Variants in OR5AN1 observed in about 807,000 individuals in gnomAD.
OR5AN1 encodes olfactory receptor 5AN1.
For synonymous variants in OR5AN1, 167 were observed against 131.8 expected (o/e 1.27, Z -1.83); for missense variants, 476 against 368.9 (o/e 1.29, Z -2.38).
rs1857528745 is a variant in OR5AN1 at position 59,366,038 on chromosome 11, C to T, written c.*644C>T. The T allele has an allele frequency of 6.6e-6, 1 of 152,154 alleles. No homozygotes were observed. 9.4% of individuals were successfully genotyped at this position (152,154 alleles called of 1,614,324 possible). On this transcript the variant is annotated 3_prime_UTR_variant, in exon 2 of 2. Transcript: ENST00000641998. Reference sequence around the variant, plus strand: ...TTGGCAATTTCCTTGCCTACACCAGCTGTAGCATAAGAAAGAAGGAGGTGA... The same window carrying T: ...TTGGCAATTTCCTTGCCTACACCAGTTGTAGCATAAGAAAGAAGGAGGTGA...
Position 59,368,624 on chromosome 11 carries a change from T to C in OR5AN1, c.*3230T>C, listed in dbSNP as rs375563756. On this transcript the variant is annotated 3_prime_UTR_variant, in exon 2 of 2. Transcript: ENST00000641998. ...ACCCCTGGCTTGGGCCCACAACACA[T>C]ACCCTCTATCTTGGGCTGGCTGCAC... is the stretch of plus-strand genomic sequence containing the variant. 35 of 152,498 alleles carry C rather than the reference T, an allele frequency of 2.3e-4. No individual in the cohort carries two copies. The highest frequency in any genetic ancestry group is 8.2e-4 in the African/African-American group (34 of 41,572). 9.4% of individuals were successfully genotyped at this position (152,498 alleles called of 1,614,324 possible).
rs1857539315 is a variant in OR5AN1, at chr11:59,366,778, A to T, written c.*1384A>T. On this transcript the variant is annotated 3_prime_UTR_variant, in exon 2 of 2. Coordinates refer to ENST00000641998, the MANE Select transcript of OR5AN1 (RefSeq NM_001004729.2). ...ATACGTGAATCATGTATTATTATTT[A>T]TTAAGTGCTTTCTATGTTCAAAGAA... The T allele has an allele frequency of 6.6e-6, 1 of 152,226 alleles. No homozygotes were observed. The highest frequency in any genetic ancestry group is 1.5e-5 in the Non-Finnish European group (1 of 68,048). The allele number at this position is 152,226 out of a possible 1,614,324, so 9.4% of individuals were successfully genotyped here.
chr11:59,368,431 A>G lies in OR5AN1; in HGVS notation c.*3037A>G, dbSNP rs1857559399. 1 of 152,386 alleles carries G rather than the reference A, an allele frequency of 6.6e-6. No homozygotes were observed. Among genetic ancestry groups the G allele is most frequent in the African/African-American group, 2.4e-5 (1 of 41,476 alleles). 9.4% of individuals were successfully genotyped at this position (152,386 alleles called of 1,614,324 possible). A position where few individuals can be genotyped will look rare whatever the true frequency, so the allele number is the denominator to read the frequency against. On this transcript the variant is annotated 3_prime_UTR_variant, in exon 2 of 2. Coordinates refer to ENST00000641998, the MANE Select transcript of OR5AN1 (RefSeq NM_001004729.2). ...GAGGTCAACAGAAAGTTTCTATGCC[A>G]CTGCCTCTGCAGTGGAACTGCCCTT...
At position 59,367,048 on chromosome 11, in the gene OR5AN1, C is replaced by T. The variant is rs1857542869; in HGVS notation, c.*1654C>T. On this transcript the variant is annotated 3_prime_UTR_variant, in exon 2 of 2. Transcript: ENST00000641998. ...CAATATTTATGAGATGTAGCCAAAG[C>T]TAAAATCAGAAGTAACAATCTTTTG... The T allele has an allele frequency of 6.6e-6, 1 of 152,052 alleles. No homozygotes were observed. The highest frequency in any genetic ancestry group is 1.5e-5 in the Non-Finnish European group (1 of 68,006). 9.4% of individuals were successfully genotyped at this position (152,052 alleles called of 1,614,324 possible). A position where few individuals can be genotyped will look rare whatever the true frequency, so the allele number is the denominator to read the frequency against.
In OR5AN1 at chr11:59,366,477, C is replaced by T. The variant is rs1438974209; in HGVS notation, c.*1083C>T. The T allele has an allele frequency of 6.6e-6, 1 of 152,164 alleles. No homozygotes were observed. Among genetic ancestry groups the T allele is most frequent in the East Asian group, 1.9e-4 (1 of 5,202 alleles). 9.4% of individuals were successfully genotyped at this position (152,164 alleles called of 1,614,324 possible). A position where few individuals can be genotyped will look rare whatever the true frequency, so the allele number is the denominator to read the frequency against. The stretch of plus-strand genomic sequence containing the variant: ...GATAATAAATGAATGTTGCAGTCAG[C>T]ACTGGATTTTGCAGTTTGTTATACA... On this transcript the variant is annotated 3_prime_UTR_variant, in exon 2 of 2. Coordinates refer to ENST00000641998, the MANE Select transcript of OR5AN1 (RefSeq NM_001004729.2).
At chr11:59,363,904 A>G (rs1470462233) in intron 1 of OR5AN1, among the ~76,000 whole-genome samples, 1 of 152,144 alleles carries the variant, frequency 6.6e-6, no homozygotes, top group Admixed American at 6.6e-5. Context: ...CTGGGATTAC[A>G]GGTCTGTGCA....
Position 59,364,808 on chromosome 11 carries a change from C to T in OR5AN1, c.350C>T (p.Thr117Ile). 3.1e-6 allele frequency: 5 copies of T among 1,614,030 alleles called. No individual in the cohort carries two copies. The highest frequency in any genetic ancestry group is 4.2e-6 in the Non-Finnish European group (5 of 1,179,910). Residue 117 changes from threonine to isoleucine, a missense_variant, in exon 2 of 2, where the codon ACA (threonine) becomes ATA (isoleucine). Transcript: ENST00000641998. ...GGACTGAGTGAGTCTTGTCTCATGA[C>T]AGCCATGGCTTATGATCGTTATGCT... Reference protein sequence around the residue: ...TMGLSESCLMTAMAYDRYAAI... With the variant: ...TMGLSESCLMIAMAYDRYAAI...
chr11:59,371,484 C>T lies in OR5AN1; in HGVS notation c.*6090C>T, dbSNP rs1857593711. 1 of 152,206 alleles carries T rather than the reference C, an allele frequency of 6.6e-6. No individual in the cohort carries two copies. The highest frequency in any genetic ancestry group is 1.5e-5 in the Non-Finnish European group (1 of 68,028). The allele number at this position is 152,206 out of a possible 1,614,324, so 9.4% of individuals were successfully genotyped here. A position where few individuals can be genotyped will look rare whatever the true frequency, so the allele number is the denominator to read the frequency against. On this transcript the variant is annotated 3_prime_UTR_variant, in exon 2 of 2. Transcript: ENST00000641998. The stretch of plus-strand genomic sequence containing the variant: ...AATTTGTGCAGAAGGAGTTACGGTA[C>T]AGCTAAGGCTAACCTGCATCTATGC...
rs1857454308 is a variant in OR5AN1, at chr11:59,360,777, A to G, written c.-14+1505A>G. On this transcript the variant is annotated intron_variant, in intron 1 of 1. Coordinates refer to ENST00000641998, the MANE Select transcript of OR5AN1 (RefSeq NM_001004729.2). Reference sequence around the variant, plus strand: ...TTCCAGCTCCATCCATGTCCCTGCAAAGGACATGATCTCATTCCTTTTTAT... The same window carrying G: ...TTCCAGCTCCATCCATGTCCCTGCAGAGGACATGATCTCATTCCTTTTTAT... 5.3e-5 allele frequency among the ~76,000 whole-genome samples: 8 copies of G among 152,234 alleles called. No individual in the cohort carries two copies. In the South Asian group the frequency reaches 1.7e-3, roughly 32 times the overall value.
At chr11:59,361,976 G>T (rs868528656) in intron 1 of OR5AN1, among the ~76,000 whole-genome samples, 1 of 151,126 alleles carries the variant, frequency 6.6e-6, no homozygotes, top group Admixed American at 6.6e-5. Context: ...TAAGGAGTGT[G>T]TGTGTGTTTG....
At chr11:59,360,528 C>A (rs1320239619) in intron 1 of OR5AN1, among the ~76,000 whole-genome samples, 1 of 152,050 alleles carries the variant, frequency 6.6e-6, no homozygotes, top group Admixed American at 6.6e-5. Flanking sequence ...AACCCATCAC[C>A]TAAGTATTAA....
chr11:59,364,917 C>G lies in OR5AN1; in HGVS notation c.459C>G (p.Gly153=). 3.1e-6 allele frequency: 5 copies of G among 1,614,116 alleles called. No individual in the cohort carries two copies. The highest frequency in any genetic ancestry group is 4.2e-6 in the Non-Finnish European group (5 of 1,179,974). ...VWMVLGAYMT[G]LTASLFQIGA... The stretch of plus-strand genomic sequence containing the variant: ...TGGTACTGGGAGCCTACATGACTGG[C>G]CTCACTGCTTCTTTATTCCAAATTG... The change falls in exon 2 of 2, where the codon GGC becomes GGG. Residue 153 remains glycine, a synonymous_variant. Coordinates refer to ENST00000641998, the MANE Select transcript of OR5AN1 (RefSeq NM_001004729.2).
rs1857498035 is a variant in OR5AN1 at position 59,364,369 on chromosome 11, G to T, written c.-13-77G>T. On this transcript the variant is annotated intron_variant, in intron 1 of 1. Transcript: ENST00000641998. ...TCCAGTGCTTGTTGGAAGAAAAGAT[G>T]TACACATATGAAGACGGTAATGTTA... The T allele has an allele frequency of 1.4e-5, 12 of 836,874 alleles. No individual in the cohort carries two copies. In the East Asian group the frequency reaches 3.1e-4, roughly 21 times the overall value. The allele number at this position is 836,874 out of a possible 1,614,324, so 51.8% of individuals were successfully genotyped here.
rs1342325414 is a variant in OR5AN1, at chr11:59,365,589, G to A, written c.*195G>A. The A allele has an allele frequency of 6.5e-6, 3 of 461,474 alleles. No individual in the cohort carries two copies. The highest frequency in any genetic ancestry group is 1.1e-5 in the Non-Finnish European group (3 of 263,800). The allele number at this position is 461,474 out of a possible 1,614,324, so 28.6% of individuals were successfully genotyped here. ...ATGCCACAGACATCAGGATCTTTAGGTCCTGGAGGTTCATTATTTTTATCC... is the reference window on the plus strand; with the variant it reads ...ATGCCACAGACATCAGGATCTTTAGATCCTGGAGGTTCATTATTTTTATCC... On this transcript the variant is annotated 3_prime_UTR_variant, in exon 2 of 2. Coordinates refer to ENST00000641998, the MANE Select transcript of OR5AN1 (RefSeq NM_001004729.2).
rs533707372 is a variant in OR5AN1 at position 59,370,938 on chromosome 11, A to G, written c.*5544A>G. ...GCTTTACATCATTTGGATTCACAAG[A>G]AGGACCATGAGATAACCTCTGTGAT... On this transcript the variant is annotated 3_prime_UTR_variant, in exon 2 of 2. Transcript: ENST00000641998. 34 of 152,334 alleles carry G rather than the reference A, an allele frequency of 2.2e-4. No individual in the cohort carries two copies. Among genetic ancestry groups the G allele is most frequent in the African/African-American group, 8.2e-4 (34 of 41,586 alleles). The allele number at this position is 152,334 out of a possible 1,614,324, so 9.4% of individuals were successfully genotyped here.
chr11:59,361,289 T>C (rs1857459257), intron 1 of OR5AN1, among the ~76,000 whole-genome samples: 1 of 152,174 alleles, frequency 6.6e-6, no homozygotes, highest in Admixed American at 6.5e-5. Context: ...CTTAGTGTTT[T>C]TGTTTTTTGT....
chr11:59,361,764 T>C (rs1183088042), intron 1 of OR5AN1, among the ~76,000 whole-genome samples: 1 of 152,144 alleles, frequency 6.6e-6, no homozygotes, highest in Non-Finnish European at 1.5e-5. Flanking sequence ...ATTCTATCTC[T>C]TTCTCCCCCT....
intron 1 of OR5AN1, chr11:59,359,805 A>C (rs1362612084): frequency 6.6e-6 from 1 of 152,162 alleles, no homozygotes; most frequent in Non-Finnish European, 1.5e-5. Context: ...TATTCTTTGT[A>C]ATCTTCTTGT....
chr11:59,361,473 G>T (rs551710049), intron 1 of OR5AN1, among the ~76,000 whole-genome samples: 16 of 152,172 alleles, frequency 1.1e-4, no homozygotes, highest in Non-Finnish European at 1.6e-4. Context: ...AAGAGGAGGA[G>T]CTTTACCATG....
Sources: gnomAD v4.1 joint callset for allele counts (sites outside exome capture counted in the v4.1 genomes callset) on GRCh38, gnomAD v4.1.1 for gene constraint, MANE v1.5 for transcripts, NCBI Gene and HGNC (gene_info 2026-07-23, HGNC 2026-07-21) for gene names.